CTTNBP2: variants seen among roughly 807,000 people sequenced by gnomAD.
CTTNBP2 encodes cortactin binding protein 2.
In CTTNBP2, 108 loss-of-function variants were observed where a neutral mutation model predicts 156.9. That is an observed-to-expected ratio of 0.69 (90% confidence interval 0.59 to 0.81). CTTNBP2 has a LOEUF of 0.81. Ranked by LOEUF, CTTNBP2 falls within the 30% of genes least tolerant of loss-of-function variation. The pLI is 0.00. For synonymous variants in CTTNBP2, 767 were observed against 751.8 expected (o/e 1.02, Z -0.33); for missense variants, 1,924 against 2,035.4 (o/e 0.95, Z 1.05).
chr7:117,723,146 T>C (rs996799303), intron 19 of CTTNBP2, among the ~76,000 whole-genome samples: 2 of 145,560 alleles, frequency 1.4e-5, no homozygotes, highest in African/African-American at 4.9e-5. Context: ...AAACAGTATC[T>C]TATTATCAAT....
At chr7:117,799,407 C>A (rs1799493835) in intron 3 of CTTNBP2, among the ~76,000 whole-genome samples, 1 of 151,584 alleles carries the variant, frequency 6.6e-6, no homozygotes, top group Non-Finnish European at 1.5e-5. Flanking sequence ...AAGAGAAACA[C>A]CAGGATTATG....
At chr7:117,849,405 A>C (rs1312966900) in intron 2 of CTTNBP2, among the ~76,000 whole-genome samples, 5 of 152,204 alleles carry the variant, frequency 3.3e-5, no homozygotes, top group Non-Finnish European at 7.3e-5. Flanking sequence ...CGCATTTTTA[A>C]TGAGATGAAG....
intron 4 of CTTNBP2, among the ~76,000 whole-genome samples, chr7:117,788,525 A>G (rs1003887321): frequency 2.0e-5 from 3 of 152,162 alleles, no homozygotes; most frequent in Non-Finnish European, 4.4e-5. Context: ...AGGGCTCATG[A>G]CCTGGAGAGG....
At chr7:117,748,199 T>G (rs1435025326) in intron 12 of CTTNBP2, among the ~76,000 whole-genome samples, 1 of 152,154 alleles carries the variant, frequency 6.6e-6, no homozygotes, top group Non-Finnish European at 1.5e-5. Context: ...TAATAATTAT[T>G]GAAAAGTAAT....
intron 1 of CTTNBP2, among the ~76,000 whole-genome samples, chr7:117,861,816 G>A (rs957564052): frequency 2.0e-5 from 3 of 152,056 alleles, no homozygotes; most frequent in African/African-American, 7.2e-5. Flanking sequence ...GCCCACAGAT[G>A]TGTGTTACTC....
At chr7:117,742,232 G>A (rs749410171) in intron 14 of CTTNBP2, among the ~76,000 whole-genome samples, 4 of 152,174 alleles carry the variant, frequency 2.6e-5, no homozygotes, top group East Asian at 1.9e-4. Context: ...GCATCACACC[G>A]GCCATGTGGT....
At chr7:117,805,198 T>C (rs970416621) in intron 3 of CTTNBP2, among the ~76,000 whole-genome samples, 3 of 152,214 alleles carry the variant, frequency 2.0e-5, no homozygotes, top group African/African-American at 7.2e-5. Flanking sequence ...TGTAGAGCTA[T>C]GGGGGAATAC....
chr7:117,734,366 A>C (rs1289005759), intron 16 of CTTNBP2, among the ~76,000 whole-genome samples: 1 of 152,234 alleles, frequency 6.6e-6, no homozygotes, highest in Non-Finnish European at 1.5e-5. Flanking sequence ...CAATTTAAAA[A>C]TATTAAATAA....
rs533420843 is a variant in CTTNBP2, at chr7:117,712,544, A to C, written c.4747-762T>G. ...AACATGACATGACTCCTACTAAGTG[A>C]CCTACTCTGAATGCCTCTGAAGGAG... On this transcript the variant is annotated intron_variant, in intron 22 of 22. Transcript: ENST00000160373. 3.9e-5 allele frequency: 6 copies of C among 152,302 alleles called. No homozygotes were observed. In the East Asian group the frequency reaches 1.2e-3, roughly 29 times the overall value. The allele number at this position is 152,302 out of a possible 1,614,324, so 9.4% of individuals were successfully genotyped here. A position where few individuals can be genotyped will look rare whatever the true frequency, so the allele number is the denominator to read the frequency against.
At chr7:117,822,877 T>C (rs916201156) in intron 2 of CTTNBP2, among the ~76,000 whole-genome samples, 2 of 152,268 alleles carry the variant, frequency 1.3e-5, no homozygotes, top group Non-Finnish European at 2.9e-5. Flanking sequence ...GTGTTTATGT[T>C]TTCTATGTTT....
At position 117,777,629 on chromosome 7, in the gene CTTNBP2, T is replaced by C; in HGVS notation, c.2660A>G (p.Asp887Gly). 1 of 1,614,018 alleles carries C rather than the reference T, an allele frequency of 6.2e-7. No individual in the cohort carries two copies. Among genetic ancestry groups the C allele is most frequent in the African/African-American group, 1.3e-5 (1 of 75,022 alleles). Residue 887 changes from aspartate to glycine, a missense_variant, in exon 8 of 23, where the codon GAT becomes GGT. Physicochemically the swap from Asp to Gly is moderately conservative, Grantham distance 94. Coordinates refer to ENST00000160373, the MANE Select transcript of CTTNBP2 (RefSeq NM_033427.3). ...EESESSVFDL[D>G]GGEESPEGIS... is the part of the protein sequence containing the mutation. ...GCCTTCAGGACTCTCTTCTCCTCCA[T>C]CCAAGTCAAAGACACTTGACTCGGA... is the stretch of plus-strand genomic sequence containing the variant.
At chr7:117,870,923 A>G (rs1284135968) in intron 1 of CTTNBP2, among the ~76,000 whole-genome samples, 1 of 152,236 alleles carries the variant, frequency 6.6e-6, no homozygotes, top group Non-Finnish European at 1.5e-5. Flanking sequence ...ACATTCCACT[A>G]AAAATGATAT....
At chr7:117,720,588 A>G (rs775717508) in intron 20 of CTTNBP2, among the ~76,000 whole-genome samples, 5 of 152,016 alleles carry the variant, frequency 3.3e-5, no homozygotes, top group Non-Finnish European at 5.9e-5. Flanking sequence ...CAGCCACACA[A>G]GAGGCTGAGG....
At chr7:117,726,004 C>T (rs1159614313) in intron 17 of CTTNBP2, among the ~76,000 whole-genome samples, 2 of 152,158 alleles carry the variant, frequency 1.3e-5, no homozygotes, top group African/African-American at 2.4e-5. Context: ...TGTATAATCA[C>T]CGGCAAATTA....
At chr7:117,734,873 C>T (rs1562960809) in intron 16 of CTTNBP2, 40 bp downstream of exon 16, 2 of 1,502,266 alleles carry the variant, frequency 1.3e-6, no homozygotes, top group African/African-American at 1.4e-5. Context: ...AACAAAAACC[C>T]CTGCTCTCCT....
intron 2 of CTTNBP2, among the ~76,000 whole-genome samples, chr7:117,852,113 C>T (rs1802965508): frequency 6.6e-6 from 1 of 151,954 alleles, no homozygotes; most frequent in African/African-American, 2.4e-5. Flanking sequence ...CTTGGTAGTG[C>T]CTCTATCATG....
intron 3 of CTTNBP2, among the ~76,000 whole-genome samples, chr7:117,810,195 C>G (rs1311002545): frequency 1.3e-5 from 2 of 152,118 alleles, no homozygotes; most frequent in Non-Finnish European, 2.9e-5. Context: ...GCTGACACAG[C>G]TATCACACCC....
At chr7:117,766,748 T>C (rs1297751840) in intron 9 of CTTNBP2, among the ~76,000 whole-genome samples, 3 of 152,220 alleles carry the variant, frequency 2.0e-5, no homozygotes, top group Non-Finnish European at 2.9e-5. Context: ...ATTTTTCATA[T>C]CCTGCCAGTC....
In CTTNBP2 at chr7:117,834,057, CT is replaced by C. The variant is rs66655327; in HGVS notation, c.190-23069del. Among the ~76,000 whole-genome samples, 103 of 146,670 alleles carry C rather than the reference CT, an allele frequency of 7.0e-4. 1 individual carries two copies. Among genetic ancestry groups the C allele is most frequent in the African/African-American group, 1.2e-3 (49 of 39,954 alleles). On this transcript the variant is annotated intron_variant, in intron 2 of 22. Coordinates refer to ENST00000160373, the MANE Select transcript of CTTNBP2 (RefSeq NM_033427.3). ...GAACATATTTTCTTTTTTCTTTCTT[CT>C]TTTTTTTTTTTGAAATGTAGTTTTA...
Sources: allele counts gnomAD v4.1 joint callset (sites outside exome capture counted in the v4.1 genomes callset), GRCh38; gene constraint gnomAD v4.1.1; transcripts MANE v1.5; gene names NCBI Gene and HGNC (gene_info 2026-07-23, HGNC 2026-07-21).